The following AFF4 variants were observed in gnomAD, a reference collection of about 807,000 sequenced individuals.
The protein encoded by AFF4 is AF4/FMR2 family member 4.
In AFF4, 13 loss-of-function variants were observed where a neutral mutation model predicts 124.8. That is an observed-to-expected ratio of 0.10 (90% CI 0.07 to 0.17). AFF4 has a LOEUF of 0.17. Among genes scored for constraint, AFF4 ranks in the 10% least tolerant of loss-of-function variants. AFF4 has a pLI of 1.00. For missense variants in AFF4, 1,092 were observed against 1,403.8 expected (o/e 0.78, Z 3.55); for synonymous variants, 477 against 496.1 (o/e 0.96, Z 0.51).
In AFF4 at chr5:132,901,311, G is replaced by A. The variant is rs530278247; in HGVS notation, c.1133+1131C>T. Among the ~76,000 whole-genome samples, 69 of 152,268 alleles carry A rather than the reference G, an allele frequency of 4.5e-4. 2 individuals are homozygous for A. In the South Asian group the frequency reaches 0.013, roughly 30 times the overall value. ...GTATATATATGGTAAGACCACATCC[G>A]TTCTTTACATATAAATAAGTATGAT... On this transcript the variant is annotated intron_variant, in intron 7 of 20. Transcript: ENST00000265343.
intron 9 of AFF4, 82 bp downstream of exon 9, chr5:132,899,022 T>A: frequency 8.2e-7 from 1 of 1,226,504 alleles, no homozygotes; most frequent in Non-Finnish European, 1.2e-6. Flanking sequence ...TATTTACTTA[T>A]AAGGCCACTT....
chr5:132,911,555 C>CA (rs904585414), intron 5 of AFF4, among the ~76,000 whole-genome samples: 7 of 143,288 alleles, frequency 4.9e-5, no homozygotes, highest in East Asian at 4.0e-4. Flanking sequence ...AGACCTCCCA[C>CA]AAAAAAAAAG....
At chr5:132,884,990 G>A (rs897361798) in intron 19 of AFF4, 86 bp downstream of exon 19, 2 of 830,080 alleles carry the variant, frequency 2.4e-6, no homozygotes, top group Non-Finnish European at 3.8e-6. Context: ...TTAAAAAGTA[G>A]TCATCTTTCC....
Position 132,889,164 on chromosome 5 carries a change from G to C in AFF4, c.2647C>G (p.Pro883Ala), listed in dbSNP as rs1333449783. ...GGAGGACAGTTAGAGGAGCTACTTG[G>C]AGCCTTTTCCTGACCAAAAAAATAT... ...SSSKEVKEKA[P>A]SSSSNCPPSA... The change falls in exon 14 of 21, where the codon CCA becomes GCA. Residue 883 changes from proline (P) to alanine (A), a missense_variant. Pro to Ala is a conservative substitution (Grantham distance 27). This residue lies in a region of AFF4 where 293 missense variants were observed against 280.2 expected (regional missense o/e 1.05). Coordinates refer to ENST00000265343, the MANE Select transcript of AFF4 (RefSeq NM_014423.4). The C allele has an allele frequency of 6.2e-7, 1 of 1,613,286 alleles. No homozygotes were observed. Among genetic ancestry groups the C allele is most frequent in the African/African-American group, 1.3e-5 (1 of 75,012 alleles).
intron 5 of AFF4, 190 bp downstream of exon 5, chr5:132,926,931 C>T (rs1211962621): frequency 1.9e-6 from 1 of 515,012 alleles, no homozygotes; most frequent in Admixed American, 3.7e-5. Context: ...ATCCAAGATG[C>T]TCTCAGTTCC....
chr5:132,937,110 G>C lies in AFF4; in HGVS notation c.80C>G (p.Ala27Gly). 6.2e-7 allele frequency: 1 copy of C among 1,613,798 alleles called. No homozygotes were observed. Among genetic ancestry groups the C allele is most frequent in the South Asian group, 1.1e-5 (1 of 91,054 alleles). ...RNQEIQQGEDAFPPSSPLFAE... is the reference protein window; with the variant it reads ...RNQEIQQGEDGFPPSSPLFAE... The stretch of plus-strand genomic sequence containing the variant: ...AAAGAGAGGAGAGCTAGGTGGGAAG[G>C]CGTCTTCGCCCTGCTGAATTTCCTG... Residue 27 changes from alanine to glycine, a missense_variant, in exon 2 of 21, where the codon GCC becomes GGC. Transcript: ENST00000265343.
At chr5:132,930,231 A>C (rs1761267576) in intron 4 of AFF4, among the ~76,000 whole-genome samples, 1 of 152,218 alleles carries the variant, frequency 6.6e-6, no homozygotes, top group African/African-American at 2.4e-5. Context: ...TGTCTAAGAG[A>C]TAAAGCCAAG....
At chr5:132,928,095 T>C (rs1469304113) in intron 4 of AFF4, among the ~76,000 whole-genome samples, 1 of 151,980 alleles carries the variant, frequency 6.6e-6, no homozygotes, top group Non-Finnish European at 1.5e-5. Context: ...CCCATAGCAA[T>C]ATCCACACAG....
At chr5:132,940,600 G>T (rs1761545403) in intron 1 of AFF4, among the ~76,000 whole-genome samples, 1 of 152,196 alleles carries the variant, frequency 6.6e-6, no homozygotes, top group Non-Finnish European at 1.5e-5. Flanking sequence ...TATATCTCTT[G>T]TAAAAATAGG....
intron 1 of AFF4, among the ~76,000 whole-genome samples, chr5:132,944,803 G>A (rs1167968310): frequency 2.0e-5 from 3 of 151,564 alleles, no homozygotes; most frequent in Non-Finnish European, 2.9e-5. Context: ...GGTGGCAGGC[G>A]CCTGTAATCC....
chr5:132,919,794 G>A (rs917583230), intron 5 of AFF4, among the ~76,000 whole-genome samples: 1 of 152,096 alleles, frequency 6.6e-6, no homozygotes, highest in African/African-American at 2.4e-5. Context: ...ATGTTGCAGT[G>A]AGCCAAGATC....
At position 132,896,686 on chromosome 5, in the gene AFF4, G is replaced by C. The variant is rs754582479; in HGVS notation, c.1944C>G (p.Thr648=). ...QKSREIIETD[T]SSSDSDESES... ...CACTTTCATCTGAATCTGAGGATGA[G>C]GTATCTGTTTCTATGATTTCCCTTG... Residue 648 remains threonine, a synonymous_variant, in exon 11 of 21, where the codon ACC becomes ACG. Coordinates refer to ENST00000265343, the MANE Select transcript of AFF4 (RefSeq NM_014423.4). 3 of 1,614,056 alleles carry C rather than the reference G, an allele frequency of 1.9e-6. No individual in the cohort carries two copies. The highest frequency in any genetic ancestry group is 1.7e-5 in the Admixed American group (1 of 60,006).
At chr5:132,898,972 G>T in intron 9 of AFF4, 132 bp downstream of exon 9, 2 of 798,976 alleles carry the variant, frequency 2.5e-6, no homozygotes, top group Non-Finnish European at 3.9e-6. Flanking sequence ...ATAATTCAAT[G>T]ACTTAATTTA....
chr5:132,955,929 TTATAC>T (rs1411107464), intron 1 of AFF4, among the ~76,000 whole-genome samples: 6 of 146,076 alleles, frequency 4.1e-5, no homozygotes, highest in Non-Finnish European at 7.5e-5. Context: ...ACTTACTATA[TTATAC>T]TATACTATAT....
chr5:132,940,781 C>T (rs1364106862), intron 1 of AFF4, among the ~76,000 whole-genome samples: 1 of 152,056 alleles, frequency 6.6e-6, no homozygotes, highest in Non-Finnish European at 1.5e-5. Context: ...AATCCCAGCA[C>T]TTTGGGAGGC....
Position 132,904,704 on chromosome 5 carries a change from G to C in AFF4, c.1051-300C>G, listed in dbSNP as rs74332449. Among the ~76,000 whole-genome samples the C allele has an allele frequency of 5.2e-4, 79 of 152,088 alleles. 4 individuals carry two copies. The East Asian group carries it at 0.015, about 29-fold the overall frequency. ...AACTAATTTCAATTTAAAATTCTTG[G>C]TCTTAAGAAAACACTTCATTTAAAA... On this transcript the variant is annotated intron_variant, in intron 5 of 20. Coordinates refer to ENST00000265343, the MANE Select transcript of AFF4 (RefSeq NM_014423.4).
intron 1 of AFF4, among the ~76,000 whole-genome samples, chr5:132,940,731 C>T (rs1761548018): frequency 6.6e-6 from 1 of 151,926 alleles, no homozygotes; most frequent in African/African-American, 2.4e-5. Flanking sequence ...TAAATTAACT[C>T]ACTGTAATAA....
intron 14 of AFF4, 103 bp downstream of exon 14, chr5:132,888,976 G>T: frequency 9.2e-7 from 1 of 1,090,426 alleles, no homozygotes; most frequent in East Asian, 2.5e-5. Flanking sequence ...GATTACAAGC[G>T]TGAGCCACCG....
intron 2 of AFF4, among the ~76,000 whole-genome samples, chr5:132,936,265 TCAAAAAAAAAA>T (rs1761428132): frequency 6.0e-5 from 1 of 16,650 alleles, no homozygotes; most frequent in African/African-American, 2.8e-4. Flanking sequence ...AGACTCCGTC[TCAAAAAAAAAA>T]AAAAAAAAAA....
Sources: gnomAD v4.1 joint callset for allele counts (sites outside exome capture counted in the v4.1 genomes callset) on GRCh38, gnomAD v4.1.1 for gene constraint, gnomAD v4.1.1 regional missense constraint, MANE v1.5 for transcripts, NCBI Gene and HGNC (gene_info 2026-07-23, HGNC 2026-07-21) for gene names.